Variants in ANO2 observed in about 807,000 individuals in gnomAD.
ANO2 encodes anoctamin-2.
Under a neutral mutation model 124.2 loss-of-function variants are expected in ANO2, and 101 were observed. The ratio of observed to expected loss-of-function variants is 0.81; its 90% CI spans 0.69 to 0.96. ANO2 has a LOEUF of 0.96. Among genes scored for constraint, ANO2 ranks in the 40% least tolerant of loss-of-function variants. The pLI is 0.00. For synonymous variants in ANO2, 486 were observed against 482.5 expected (o/e 1.01, Z -0.09); for missense variants, 1,293 against 1,274.5 (o/e 1.01, Z -0.22).
intron 16 of ANO2, among the ~76,000 whole-genome samples, chr12:5,630,044 C>T (rs1324230685): frequency 6.6e-6 from 1 of 152,196 alleles, no homozygotes; most frequent in Non-Finnish European, 1.5e-5. Flanking sequence ...ATATTTGCAG[C>T]AAGAATGGAC....
intron 14 of ANO2, among the ~76,000 whole-genome samples, chr12:5,691,833 C>G (rs1441666848): frequency 1.3e-5 from 2 of 151,810 alleles, no homozygotes. Context: ...AACCCAGGAG[C>G]AGAGCCTGCG....
intron 14 of ANO2, among the ~76,000 whole-genome samples, chr12:5,696,831 T>A (rs1949202702): frequency 6.6e-6 from 1 of 152,248 alleles, no homozygotes; most frequent in South Asian, 2.1e-4. Context: ...ATTAGTGAAG[T>A]TCAGTACCTT....
chr12:5,923,259 C>CACAT (rs1941912360), intron 1 of ANO2, among the ~76,000 whole-genome samples: 1 of 9,208 alleles, frequency 1.1e-4, no homozygotes, highest in East Asian at 0.015. Flanking sequence ...CACACACATA[C>CACAT]ACACACACAC....
intron 4 of ANO2, among the ~76,000 whole-genome samples, chr12:5,837,463 G>A (rs1438887317): frequency 7.1e-6 from 1 of 141,676 alleles, no homozygotes; most frequent in Non-Finnish European, 1.5e-5. Context: ...ATCTCCCGAT[G>A]CTATCCCTCC....
intron 3 of ANO2, among the ~76,000 whole-genome samples, chr12:5,864,106 T>C (rs988555371): frequency 1.3e-5 from 2 of 152,180 alleles, no homozygotes; most frequent in African/African-American, 2.4e-5. Flanking sequence ...CCTTGACCCC[T>C]GTGGGAATCC....
intron 19 of ANO2, among the ~76,000 whole-genome samples, chr12:5,612,252 T>G (rs1944579018): frequency 6.6e-6 from 1 of 152,212 alleles, no homozygotes; most frequent in African/African-American, 2.4e-5. Context: ...GATTATGTAT[T>G]CCACATTTTC....
At chr12:5,680,326 T>C (rs932223313) in intron 14 of ANO2, among the ~76,000 whole-genome samples, 3 of 152,070 alleles carry the variant, frequency 2.0e-5, no homozygotes, top group African/African-American at 7.2e-5. Context: ...AGAATCCACC[T>C]GCACCCACTT....
At chr12:5,846,468 C>T (rs1162542695) in intron 4 of ANO2, among the ~76,000 whole-genome samples, 1 of 152,168 alleles carries the variant, frequency 6.6e-6, no homozygotes, top group Admixed American at 6.5e-5. Flanking sequence ...CTACCAGAGA[C>T]CTAGGTCTTC....
At position 5,739,306 on chromosome 12, in the gene ANO2, A is replaced by G; in HGVS notation, c.1434+11T>C. On this transcript the variant is annotated intron_variant, in intron 13 of 24. Transcript: ENST00000682330. Reference sequence around the variant, plus strand: ...CACAGAAGTATGTGAGAAATACGTGAGAGAACTCACTTCTTCCTCTTCTAT... The same window carrying G: ...CACAGAAGTATGTGAGAAATACGTGGGAGAACTCACTTCTTCCTCTTCTAT... 1 of 1,589,840 alleles carries G rather than the reference A, an allele frequency of 6.3e-7. No individual in the cohort carries two copies. Among genetic ancestry groups the G allele is most frequent in the Non-Finnish European group, 8.6e-7 (1 of 1,166,580 alleles).
intron 1 of ANO2, among the ~76,000 whole-genome samples, chr12:5,927,709 G>A (rs560658549): frequency 3.2e-4 from 48 of 152,356 alleles, no homozygotes; most frequent in African/African-American, 1.1e-3. Context: ...AACATTAAAA[G>A]GTTCTGCAGA....
intron 23 of ANO2, among the ~76,000 whole-genome samples, chr12:5,574,692 TG>T (rs1942305669): frequency 6.6e-6 from 1 of 152,218 alleles, no homozygotes; most frequent in South Asian, 2.1e-4. Flanking sequence ...CATGTCTAAA[TG>T]ATGCAGCAGC....
chr12:5,933,363 T>C (rs1332012916), intron 1 of ANO2, among the ~76,000 whole-genome samples: 1 of 152,164 alleles, frequency 6.6e-6, no homozygotes, highest in Admixed American at 6.5e-5. Context: ...AATTCCACTC[T>C]GTTAACGAGG....
At chr12:5,890,565 G>C (rs896775010) in intron 3 of ANO2, among the ~76,000 whole-genome samples, 2 of 152,212 alleles carry the variant, frequency 1.3e-5, no homozygotes, top group African/African-American at 4.8e-5. Context: ...GGAACTTAGA[G>C]ATTGAAAAAG....
intron 23 of ANO2, among the ~76,000 whole-genome samples, chr12:5,569,215 G>C (rs996528205): frequency 6.6e-6 from 1 of 152,160 alleles, no homozygotes; most frequent in Admixed American, 6.5e-5. Flanking sequence ...GGCAAGTGCT[G>C]GCTGGTGGGT....
rs112347847 is a variant in ANO2, at chr12:5,584,151, A to G, written c.2234-5633T>C. ...TGAACACCCCCCCCCCGCCGCAAGA[A>G]TATTAATGTTGATCATGTCAACAGA... On this transcript the variant is annotated intron_variant, in intron 20 of 24. Transcript: ENST00000682330. 8.2e-3 allele frequency: 1,351 copies of G among 165,496 alleles called. 8 individuals carry two copies. The highest frequency in any genetic ancestry group is 0.01 in the Middle Eastern group (7 of 680). The allele number at this position is 165,496 out of a possible 1,614,324, so 10.3% of individuals were successfully genotyped here.
intron 16 of ANO2, among the ~76,000 whole-genome samples, chr12:5,627,417 C>T (rs968526592): frequency 1.6e-4 from 24 of 152,280 alleles, no homozygotes; most frequent in East Asian, 1.9e-4. Flanking sequence ...AGCACTGTGG[C>T]GTCCCCGCAG....
intron 10 of ANO2, among the ~76,000 whole-genome samples, chr12:5,760,305 G>GA (rs1951699930): frequency 6.6e-6 from 1 of 152,130 alleles, no homozygotes; most frequent in African/African-American, 2.4e-5. Context: ...TGTCTGAGGA[G>GA]AAAAATGCAA....
At chr12:5,942,054 T>C (rs1170806853) in intron 1 of ANO2, among the ~76,000 whole-genome samples, 2 of 149,736 alleles carry the variant, frequency 1.3e-5, no homozygotes, top group Non-Finnish European at 3.0e-5. Flanking sequence ...CAAATGGAAA[T>C]GCGATTAAGA....
At chr12:5,616,264 G>A (rs1322039227) in intron 16 of ANO2, among the ~76,000 whole-genome samples, 3 of 152,216 alleles carry the variant, frequency 2.0e-5, no homozygotes, top group African/African-American at 7.2e-5. Flanking sequence ...GATCAAGGTA[G>A]ATTTGGTGTC....
Sources: gnomAD v4.1 joint callset for allele counts (sites outside exome capture counted in the v4.1 genomes callset) on GRCh38, gnomAD v4.1.1 for gene constraint, MANE v1.5 for transcripts, NCBI Gene and HGNC (gene_info 2026-07-23, HGNC 2026-07-21) for gene names.